CSMD1: variants seen among roughly 807,000 people sequenced by gnomAD.
CSMD1 encodes CUB and Sushi multiple domains 1.
Under a neutral mutation model 417.5 loss-of-function variants are expected in CSMD1, and 213 were observed. The observed-to-expected ratio is 0.51, with a 90% confidence interval of 0.46 to 0.57. The LOEUF is 0.57. CSMD1 is among the 20% of genes least tolerant of loss of function. The pLI, the probability that CSMD1 is intolerant of heterozygous loss-of-function variation, is 0.00. For missense variants in CSMD1, 6,923 were observed against 4,529.7 expected (o/e 1.53, Z -15.17); for synonymous variants, 2,862 against 1,736.8 (o/e 1.65, Z -16.11).
chr8:4,936,900 G>C (rs1807656443), intron 1 of CSMD1, among the ~76,000 whole-genome samples: 1 of 152,124 alleles, frequency 6.6e-6, no homozygotes, highest in African/African-American at 2.4e-5. Context: ...TTTCTCTTGT[G>C]TTTTATTTTC....
At chr8:4,772,974 T>C (rs1489594426) in intron 1 of CSMD1, among the ~76,000 whole-genome samples, 2 of 152,178 alleles carry the variant, frequency 1.3e-5, no homozygotes, top group Non-Finnish European at 2.9e-5. Flanking sequence ...CATTTAAAGA[T>C]ACATGGATGA....
chr8:3,500,037 G>T (rs1331903208), intron 10 of CSMD1, among the ~76,000 whole-genome samples: 1 of 152,044 alleles, frequency 6.6e-6, no homozygotes, highest in African/African-American at 2.4e-5. Flanking sequence ...AGGCATCTGG[G>T]GTGGGAGTGT....
intron 4 of CSMD1, among the ~76,000 whole-genome samples, chr8:4,029,004 G>A (rs1046822211): frequency 1.3e-5 from 2 of 152,196 alleles, no homozygotes; most frequent in African/African-American, 4.8e-5. Flanking sequence ...TCTGAAATAT[G>A]ACAACGGCAC....
chr8:4,741,055 T>G (rs1171771487), intron 1 of CSMD1, among the ~76,000 whole-genome samples: 1 of 152,190 alleles, frequency 6.6e-6, no homozygotes, highest in African/African-American at 2.4e-5. Context: ...AATTTTCTTC[T>G]TAATCCTTAT....
At chr8:3,178,822 C>G (rs1313269171) in intron 37 of CSMD1, among the ~76,000 whole-genome samples, 1 of 151,794 alleles carries the variant, frequency 6.6e-6, no homozygotes, top group Non-Finnish European at 1.5e-5. Flanking sequence ...AAAATAAATG[C>G]AAAAATATGT....
At chr8:4,092,410 T>C (rs939236689) in intron 3 of CSMD1, among the ~76,000 whole-genome samples, 54 of 152,192 alleles carry the variant, frequency 3.5e-4, no homozygotes, top group African/African-American at 1.2e-3. Context: ...GAACTTCATA[T>C]TGGCTTCAGC....
chr8:3,053,090 A>G (rs1369885185), intron 49 of CSMD1, among the ~76,000 whole-genome samples: 1 of 152,116 alleles, frequency 6.6e-6, no homozygotes, highest in Non-Finnish European at 1.5e-5. Flanking sequence ...CATGAATTCT[A>G]TTTCTAGGGT....
intron 5 of CSMD1, among the ~76,000 whole-genome samples, chr8:3,880,369 T>C (rs1430716566): frequency 1.3e-5 from 2 of 152,228 alleles, no homozygotes; most frequent in African/African-American, 4.8e-5. Flanking sequence ...GTAAACAATA[T>C]GCCAAATTGC....
chr8:4,377,208 G>C (rs1802806883), intron 3 of CSMD1, among the ~76,000 whole-genome samples: 1 of 152,132 alleles, frequency 6.6e-6, no homozygotes, highest in Non-Finnish European at 1.5e-5. Context: ...GAAGGGCTGA[G>C]AGCGCAAAAG....
chr8:4,216,902 G>C (rs188709730), intron 3 of CSMD1, among the ~76,000 whole-genome samples: 4 of 152,192 alleles, frequency 2.6e-5, no homozygotes, highest in Non-Finnish European at 2.9e-5. Flanking sequence ...GCCCAGTTTT[G>C]ATTTCCAGCA....
At chr8:3,318,589 C>G (rs767773739) in intron 23 of CSMD1, among the ~76,000 whole-genome samples, 14 of 152,312 alleles carry the variant, frequency 9.2e-5, no homozygotes, top group Admixed American at 6.5e-5. Flanking sequence ...CAGTATCTTT[C>G]GTGACACAAT....
intron 41 of CSMD1, among the ~76,000 whole-genome samples, chr8:3,131,044 C>T (rs988258886): frequency 1.3e-5 from 2 of 152,158 alleles, no homozygotes; most frequent in Admixed American, 6.5e-5. Context: ...TTAATCTGAA[C>T]TACTTTGGCA....
chr8:2,974,712 A>C, intron 55 of CSMD1, 88 bp from the exon 56 acceptor site: 1 of 896,486 alleles, frequency 1.1e-6, no homozygotes, highest in Non-Finnish European at 1.5e-6. Context: ...ACCCATACTG[A>C]CATCATGTAT....
chr8:4,132,151 A>G (rs1035647), intron 3 of CSMD1, among the ~76,000 whole-genome samples: 145,564 of 150,884 alleles, frequency 0.96, 70,432 homozygotes, highest in South Asian at 1. Flanking sequence ...TCTACAGATC[A>G]GCTGTTGCCT....
intron 1 of CSMD1, among the ~76,000 whole-genome samples, chr8:4,836,663 A>C (rs900811152): frequency 1.3e-5 from 2 of 152,100 alleles, no homozygotes; most frequent in Non-Finnish European, 2.9e-5. Flanking sequence ...TGATGCTTTG[A>C]AATTTTAGTT....
chr8:3,814,889 T>G (rs766053541), intron 5 of CSMD1, among the ~76,000 whole-genome samples: 1 of 152,198 alleles, frequency 6.6e-6, no homozygotes, highest in Non-Finnish European at 1.5e-5. Context: ...TTTAAAGTCA[T>G]GGTGAAAATA....
At chr8:4,863,875 C>A (rs1424479955) in intron 1 of CSMD1, among the ~76,000 whole-genome samples, 1 of 151,684 alleles carries the variant, frequency 6.6e-6, no homozygotes, top group South Asian at 2.1e-4. Flanking sequence ...TCTGCCTTCA[C>A]AAAATTGTAT....
chr8:3,595,975 G>C (rs1801073227), intron 8 of CSMD1, among the ~76,000 whole-genome samples: 1 of 152,166 alleles, frequency 6.6e-6, no homozygotes, highest in Admixed American at 6.5e-5. Flanking sequence ...TGAGATCCAA[G>C]GTGAAAGCCC....
At chr8:4,118,413 AATCAAAAAGT>A (rs1802284569) in intron 3 of CSMD1, among the ~76,000 whole-genome samples, 1 of 149,514 alleles carries the variant, frequency 6.7e-6, no homozygotes, top group Admixed American at 6.7e-5. Context: ...AAAAAAAAAA[AATCAAAAAGT>A]ATACAAAGGA....
Sources: gnomAD v4.1 joint callset for allele counts (sites outside exome capture counted in the v4.1 genomes callset) on GRCh38, gnomAD v4.1.1 for gene constraint, MANE v1.5 for transcripts, NCBI Gene and HGNC (gene_info 2026-07-23, HGNC 2026-07-21) for gene names.